Variants in PCDHA4 observed in about 807,000 individuals in gnomAD.
PCDHA4 encodes the protein protocadherin alpha 4.
In PCDHA4, 49 loss-of-function variants were observed where a neutral mutation model predicts 61.4. The ratio of observed to expected loss-of-function variants is 0.80; its 90% CI spans 0.63 to 1.01. The LOEUF is 1.01. Among genes scored for constraint, PCDHA4 ranks in the 50% least tolerant of loss-of-function variants. The probability of loss-of-function intolerance (pLI) is 0.00; values close to 1 mark genes in which losing one functional copy is unlikely to be tolerated. For missense variants in PCDHA4, 1,254 were observed against 1,235.8 expected (o/e 1.01, Z -0.22); for synonymous variants, 590 against 550.3 (o/e 1.07, Z -1.01).
In PCDHA4 at chr5:140,870,098, A is replaced by G. The variant is rs181372298; in HGVS notation, c.2385+60526A>G. 3.1e-6 allele frequency: 5 copies of G among 1,613,860 alleles called. No individual in the cohort carries two copies. The East Asian group carries it at 1.1e-4, about 36-fold the overall frequency. On this transcript the variant is annotated intron_variant, in intron 1 of 3. Transcript: ENST00000530339. ...AAGGGGACTCCCCCAATGGCAGGTC[A>G]CTGTACAGTCTGGGTGGAAATCTTG... is the stretch of plus-strand genomic sequence containing the variant.
chr5:140,815,026 A>T (rs1765636831), intron 1 of PCDHA4: 2 of 152,244 alleles, frequency 1.3e-5, no homozygotes, highest in Admixed American at 6.5e-5. Flanking sequence ...TTTTGGTTAC[A>T]ATTTGCATGA....
chr5:140,836,534 G>T (rs1774544367), intron 1 of PCDHA4: 1 of 1,613,844 alleles, frequency 6.2e-7, no homozygotes, highest in Non-Finnish European at 8.5e-7. Flanking sequence ...CCCTGCTGCT[G>T]TACACGGCGT....
intron 1 of PCDHA4, chr5:140,857,987 C>T: frequency 6.3e-7 from 1 of 1,596,876 alleles, no homozygotes; most frequent in Admixed American, 1.7e-5. Context: ...CCAGCGCCTA[C>T]TGGTGCTGGT....
intron 1 of PCDHA4, among the ~76,000 whole-genome samples, chr5:140,920,661 T>C (rs1301918138): frequency 3.9e-5 from 6 of 152,042 alleles, no homozygotes; most frequent in African/African-American, 1.4e-4. Flanking sequence ...CTTGCCAACA[T>C]GGTGAAACCC....
At chr5:140,824,160 C>T (rs1554129772) in intron 1 of PCDHA4, 4 of 1,611,272 alleles carry the variant, frequency 2.5e-6, no homozygotes, top group African/African-American at 2.7e-5. Context: ...CCATCTTTCC[C>T]TCCCAATTTT....
chr5:140,992,414 G>T (rs868994021), intron 3 of PCDHA4, among the ~76,000 whole-genome samples: 1 of 152,128 alleles, frequency 6.6e-6, no homozygotes, highest in African/African-American at 2.4e-5. Flanking sequence ...TCTGCCCCAG[G>T]TCTAAGAATA....
intron 1 of PCDHA4, chr5:140,861,935 C>T (rs2047149357): frequency 6.5e-6 from 1 of 153,898 alleles, no homozygotes; most frequent in Admixed American, 6.5e-5. Flanking sequence ...TGATGATGCC[C>T]AGTGTTTGAC....
At chr5:141,008,712 T>G (rs1554261909) in intron 3 of PCDHA4, among the ~76,000 whole-genome samples, 1 of 152,210 alleles carries the variant, frequency 6.6e-6, no homozygotes, top group Non-Finnish European at 1.5e-5. Flanking sequence ...TCTAGTTGCT[T>G]GAGTGTATGT....
chr5:140,927,459 A>G (rs2084222098), intron 1 of PCDHA4: 1 of 1,614,018 alleles, frequency 6.2e-7, no homozygotes, highest in Non-Finnish European at 8.5e-7. Flanking sequence ...TGTTGGAGAA[A>G]GCACTGGATC....
At chr5:141,006,951 T>TA (rs1428990680) in intron 3 of PCDHA4, among the ~76,000 whole-genome samples, 1 of 152,164 alleles carries the variant, frequency 6.6e-6, no homozygotes, top group Non-Finnish European at 1.5e-5. Context: ...GATAGGCAGT[T>TA]ATACATGAGA....
chr5:140,828,223 C>T (rs2150152540), intron 1 of PCDHA4: 1 of 1,613,996 alleles, frequency 6.2e-7, no homozygotes, highest in Non-Finnish European at 8.5e-7. Flanking sequence ...ACGGCACCTT[C>T]GTGGGCCGGA....
intron 1 of PCDHA4, chr5:140,883,989 G>A (rs1554180956): frequency 6.2e-7 from 1 of 1,612,952 alleles, no homozygotes; most frequent in Non-Finnish European, 8.5e-7. Flanking sequence ...GGCAGCGCGG[G>A]AGGCACAGTG....
chr5:140,918,311 G>A (rs1286596595), intron 1 of PCDHA4, among the ~76,000 whole-genome samples: 2 of 152,070 alleles, frequency 1.3e-5, no homozygotes, highest in African/African-American at 4.8e-5. Context: ...GGGTTTTCTA[G>A]GTATAAAATT....
chr5:140,811,831 A>G (rs1284132300), intron 1 of PCDHA4: 2 of 152,028 alleles, frequency 1.3e-5, no homozygotes, highest in African/African-American at 2.4e-5. Flanking sequence ...TCCTTTGCCC[A>G]CTTTTTGATA....
At position 140,857,911 on chromosome 5, in the gene PCDHA4, T is replaced by C. The variant is rs144216608; in HGVS notation, c.2385+48339T>C. On this transcript the variant is annotated intron_variant, in intron 1 of 3. Transcript: ENST00000530339. ...CGGCGGTTGGTGCACGCATCCCGTT[T>C]CGCGTGGGGCTGTACACGGGCGAGA... 4,248 of 1,597,856 alleles carry C rather than the reference T, an allele frequency of 2.7e-3. 342 individuals are homozygous for C. Among genetic ancestry groups the C allele is most frequent in the Middle Eastern group, 0.01 (61 of 5,986 alleles).
intron 1 of PCDHA4, chr5:140,883,930 C>A: frequency 2.5e-6 from 4 of 1,613,066 alleles, no homozygotes; most frequent in Non-Finnish European, 3.4e-6. Flanking sequence ...TGCAGGTGTT[C>A]GTGCTGGACG....
chr5:140,968,932 A>G, intron 1 of PCDHA4: 3 of 1,614,164 alleles, frequency 1.9e-6, no homozygotes, highest in Non-Finnish European at 2.5e-6. Flanking sequence ...TTCTTTTGAC[A>G]ATCATCATTT....
At chr5:140,934,013 A>G (rs2089566693) in intron 1 of PCDHA4, among the ~76,000 whole-genome samples, 1 of 151,836 alleles carries the variant, frequency 6.6e-6, no homozygotes. Context: ...TTTCTTGACT[A>G]GACTTGGAAG....
chr5:140,968,702 A>G, intron 1 of PCDHA4: 3 of 1,614,178 alleles, frequency 1.9e-6, no homozygotes, highest in Non-Finnish European at 2.5e-6. Flanking sequence ...TAGGACTACC[A>G]GGAAGATGGG....
Sources: allele counts gnomAD v4.1 joint callset (sites outside exome capture counted in the v4.1 genomes callset), GRCh38; gene constraint gnomAD v4.1.1; transcripts MANE v1.5; gene names NCBI Gene and HGNC (gene_info 2026-07-23, HGNC 2026-07-21).